CAMK4: variants seen among roughly 807,000 people sequenced by gnomAD.
CAMK4 encodes calcium/calmodulin-dependent protein kinase type IV.
CAMK4 carries 22 observed loss-of-function variants against 44.9 expected under a neutral mutation model. The ratio of observed to expected loss-of-function variants is 0.49; its 90% CI spans 0.35 to 0.70. The LOEUF (loss-of-function observed/expected upper bound fraction) is 0.70, where lower values mean the gene tolerates loss of function less well. Among genes scored for constraint, CAMK4 ranks in the 30% least tolerant of loss-of-function variants. The probability of loss-of-function intolerance (pLI) is 0.01; values close to 1 mark genes in which losing one functional copy is unlikely to be tolerated. For missense variants in CAMK4, 498 were observed against 586.8 expected (o/e 0.85, Z 1.56); for synonymous variants, 218 against 215.4 (o/e 1.01, Z -0.11).
chr5:111,417,463 G>A (rs536352036), intron 5 of CAMK4, among the ~76,000 whole-genome samples: 3 of 151,858 alleles, frequency 2.0e-5, no homozygotes, highest in South Asian at 2.1e-4. Context: ...TGATCCACCC[G>A]TCTTGGCCTC....
intron 1 of CAMK4, among the ~76,000 whole-genome samples, chr5:111,334,900 G>A (rs1367454192): frequency 1.3e-5 from 2 of 151,092 alleles, no homozygotes; most frequent in Non-Finnish European, 3.0e-5. Context: ...TTCAACATTA[G>A]AAAAAGATAA....
chr5:111,367,152 C>T (rs909068198), intron 2 of CAMK4, among the ~76,000 whole-genome samples: 15 of 148,918 alleles, frequency 1.0e-4, no homozygotes, highest in Non-Finnish European at 2.2e-4. Context: ...AACAGAATAC[C>T]GCATTCTAGA....
At chr5:111,426,800 A>G (rs1446303430) in intron 5 of CAMK4, among the ~76,000 whole-genome samples, 1 of 152,182 alleles carries the variant, frequency 6.6e-6, no homozygotes, top group Non-Finnish European at 1.5e-5. Flanking sequence ...CAGAGGGGAC[A>G]CTTAAACCAG....
At chr5:111,264,204 G>C (rs1337423784) in intron 1 of CAMK4, among the ~76,000 whole-genome samples, 1 of 152,194 alleles carries the variant, frequency 6.6e-6, no homozygotes, top group Non-Finnish European at 1.5e-5. Context: ...GATGGTGGCA[G>C]GTGTTGCACA....
intron 4 of CAMK4, among the ~76,000 whole-genome samples, chr5:111,381,610 T>C (rs1751418179): frequency 6.6e-6 from 1 of 152,180 alleles, no homozygotes; most frequent in African/African-American, 2.4e-5. Flanking sequence ...CAGTTCATCG[T>C]TAATCTCCTT....
chr5:111,387,875 T>C (rs1751661330), intron 4 of CAMK4, among the ~76,000 whole-genome samples: 1 of 152,196 alleles, frequency 6.6e-6, no homozygotes, highest in African/African-American at 2.4e-5. Flanking sequence ...GAGAAATAAA[T>C]TGCAAGATTT....
intron 7 of CAMK4, among the ~76,000 whole-genome samples, chr5:111,462,489 T>G (rs1443519896): frequency 6.6e-6 from 1 of 152,220 alleles, no homozygotes; most frequent in Admixed American, 6.5e-5. Flanking sequence ...TATTTGATGA[T>G]TTCTTTAATG....
At chr5:111,239,290 G>A (rs1365337249) in intron 1 of CAMK4, among the ~76,000 whole-genome samples, 1 of 151,998 alleles carries the variant, frequency 6.6e-6, no homozygotes, top group Non-Finnish European at 1.5e-5. Flanking sequence ...TGTTTTACTT[G>A]TGTTTTGCTT....
At chr5:111,469,362 C>CT (rs2112481413) in intron 7 of CAMK4, among the ~76,000 whole-genome samples, 1 of 151,768 alleles carries the variant, frequency 6.6e-6, no homozygotes, top group South Asian at 2.1e-4. Flanking sequence ...TTCCTTTTGT[C>CT]TGTTAACTTC....
upstream of CAMK4, chr5:111,224,300 A>G (rs1284010331): frequency 1.2e-6 from 1 of 837,336 alleles, no homozygotes; most frequent in Non-Finnish European, 1.6e-6. This position sits in a 1 kb window ranked among gnomAD's most constrained non-coding sequence, Gnocchi z 5.7. Context: ...GCCCTCTCGC[A>G]GAGGCTCGCC....
chr5:111,413,961 A>G (rs1752721273), intron 5 of CAMK4, among the ~76,000 whole-genome samples: 2 of 151,922 alleles, frequency 1.3e-5, no homozygotes, highest in Admixed American at 6.6e-5. Context: ...AAATCTATAT[A>G]TATAGATAAC....
intron 4 of CAMK4, among the ~76,000 whole-genome samples, chr5:111,393,822 G>A (rs2112859754): frequency 6.6e-6 from 1 of 151,386 alleles, no homozygotes; most frequent in South Asian, 2.1e-4. Context: ...CCCCATCACA[G>A]AAGTTTGTGT....
At chr5:111,409,324 G>T (rs1334220172) in intron 5 of CAMK4, among the ~76,000 whole-genome samples, 2 of 152,236 alleles carry the variant, frequency 1.3e-5, no homozygotes, top group Non-Finnish European at 2.9e-5. Context: ...ACCAAGGCTT[G>T]GGGCTTGCAC....
In CAMK4 at chr5:111,237,135, A is replaced by G. The variant is rs544554963; in HGVS notation, c.161+12491A>G. Among the ~76,000 whole-genome samples, 265 of 152,344 alleles carry G rather than the reference A, an allele frequency of 1.7e-3. 1 individual carries two copies. The highest frequency in any genetic ancestry group is 3.0e-3 in the Non-Finnish European group (203 of 68,036). ...AGAATCTTAGCACAATGCCTAGTTT[A>G]TAGTGAACACTCATTACATATTTGC... is the stretch of plus-strand genomic sequence containing the variant. On this transcript the variant is annotated intron_variant, in intron 1 of 10. Transcript: ENST00000282356.
At chr5:111,351,303 G>A (rs181921998) in intron 2 of CAMK4, among the ~76,000 whole-genome samples, 2 of 152,188 alleles carry the variant, frequency 1.3e-5, no homozygotes, top group African/African-American at 4.8e-5. Context: ...CTGGCCAATT[G>A]ACAGACATTA....
intron 5 of CAMK4, among the ~76,000 whole-genome samples, chr5:111,425,932 G>T (rs1753210557): frequency 6.6e-6 from 1 of 152,036 alleles, no homozygotes; most frequent in African/African-American, 2.4e-5. Flanking sequence ...ACCTGAATTG[G>T]CAATATCAGA....
intron 1 of CAMK4, among the ~76,000 whole-genome samples, chr5:111,236,771 C>G (rs949028661): frequency 6.6e-6 from 1 of 152,154 alleles, no homozygotes; most frequent in Non-Finnish European, 1.5e-5. Context: ...AATGCTTTGT[C>G]GTCTTCACCA....
At chr5:111,479,352 A>G (rs1254376723) in intron 9 of CAMK4, among the ~76,000 whole-genome samples, 2 of 151,828 alleles carry the variant, frequency 1.3e-5, no homozygotes, top group Non-Finnish European at 1.5e-5. Context: ...TTAAGTTAAT[A>G]TTGACATTTG....
intron 2 of CAMK4, among the ~76,000 whole-genome samples, chr5:111,354,957 T>A (rs1473329034): frequency 6.6e-6 from 1 of 152,154 alleles, no homozygotes; most frequent in African/African-American, 2.4e-5. Flanking sequence ...TGCTATGATG[T>A]ACATAAGAGG....
Sources: gnomAD v4.1 joint callset for allele counts (sites outside exome capture counted in the v4.1 genomes callset) on GRCh38, gnomAD v4.1.1 for gene constraint, Gnocchi (gnomAD v3.1) non-coding constraint, MANE v1.5 for transcripts, NCBI Gene and HGNC (gene_info 2026-07-23, HGNC 2026-07-21) for gene names.